The following GABRG2 variants were observed in gnomAD, a reference collection of about 807,000 sequenced individuals.
GABRG2 encodes the protein gamma-aminobutyric acid receptor subunit gamma-2.
In GABRG2, 16 loss-of-function variants were observed where a neutral mutation model predicts 56.4. The ratio of observed to expected loss-of-function variants is 0.28; its 90% CI spans 0.19 to 0.43. The LOEUF is 0.43. GABRG2 is among the 20% of genes least tolerant of loss of function. GABRG2 has a pLI of 1.00. For synonymous variants in GABRG2, 208 were observed against 205.5 expected, an observed-to-expected ratio of 1.01 and a Z score of -0.10; for missense variants, 327 against 582.7, an observed-to-expected ratio of 0.56 and a Z score of 4.52.
intron 6 of GABRG2, among the ~76,000 whole-genome samples, chr5:162,119,612 G>T (rs996793810): frequency 1.3e-5 from 2 of 152,070 alleles, no homozygotes; most frequent in Non-Finnish European, 2.9e-5. Flanking sequence ...CCAATGAAAT[G>T]ACAATGATCG....
chr5:162,093,992 C>G lies in GABRG2; in HGVS notation c.259+13C>G. 1 of 1,612,842 alleles carries G rather than the reference C, an allele frequency of 6.2e-7. No homozygotes were observed. The highest frequency in any genetic ancestry group is 8.5e-7 in the Non-Finnish European group (1 of 1,179,180). The stretch of plus-strand genomic sequence containing the variant: ...CCTGATATAGGAGGTTTGTTAAAGT[C>G]TTTTGCGTTGTGCTATAGATAGGAG... On this transcript the variant is annotated intron_variant, in intron 2 of 9. Transcript: ENST00000639213.
chr5:162,118,854 C>T (rs779956991), intron 6 of GABRG2, among the ~76,000 whole-genome samples: 1 of 151,952 alleles, frequency 6.6e-6, no homozygotes, highest in Non-Finnish European at 1.5e-5. Context: ...TGGAAAATTG[C>T]TATTAAAAGA....
chr5:162,078,595 C>T (rs1427749285), intron 1 of GABRG2, among the ~76,000 whole-genome samples: 5 of 150,516 alleles, frequency 3.3e-5, no homozygotes, highest in Admixed American at 6.6e-5. Context: ...TTAGTAGAGA[C>T]GAGGTTTCAC....
At chr5:162,067,712 G>A, upstream of GABRG2, 1 of 605,802 alleles carries the variant, frequency 1.7e-6, no homozygotes, top group South Asian at 2.0e-5. Context: ...CTCCGTATGA[G>A]TCTCTCCTTG....
At chr5:162,073,950 T>C (rs894978048) in intron 1 of GABRG2, among the ~76,000 whole-genome samples, 2 of 151,964 alleles carry the variant, frequency 1.3e-5, no homozygotes, top group Non-Finnish European at 2.9e-5. Flanking sequence ...CTTGAATTCA[T>C]AGCGCAATAC....
intron 1 of GABRG2, among the ~76,000 whole-genome samples, chr5:162,088,207 G>A (rs2113253860): frequency 6.6e-6 from 1 of 152,186 alleles, no homozygotes; most frequent in Admixed American, 6.6e-5. Flanking sequence ...CTAAAGAGTA[G>A]CCAGTCCTCC....
At chr5:162,147,342 C>G (rs190518231) in intron 7 of GABRG2, among the ~76,000 whole-genome samples, 1 of 150,584 alleles carries the variant, frequency 6.6e-6, no homozygotes, top group South Asian at 2.1e-4. Context: ...TTCCCTCCTT[C>G]CTTCCTCTGT....
At chr5:162,132,401 C>T (rs1763821093) in intron 6 of GABRG2, among the ~76,000 whole-genome samples, 1 of 151,986 alleles carries the variant, frequency 6.6e-6, no homozygotes, top group African/African-American at 2.4e-5. Flanking sequence ...TCTTTCAACA[C>T]ATCACAAATA....
chr5:162,073,265 A>G (rs1229724109), intron 1 of GABRG2, among the ~76,000 whole-genome samples: 1 of 150,970 alleles, frequency 6.6e-6, no homozygotes, highest in Non-Finnish European at 1.5e-5. Context: ...GTCTGAAATT[A>G]GGTTTTTTTT....
intron 1 of GABRG2, among the ~76,000 whole-genome samples, chr5:162,074,310 AAGT>A (rs1758913511): frequency 6.6e-6 from 1 of 152,050 alleles, no homozygotes; most frequent in South Asian, 2.1e-4. Context: ...AATGCTAAAT[AAGT>A]AGCACTGATA....
rs1190990627 is a variant in GABRG2 at position 162,154,613 on chromosome 5, A to G, written c.*1245A>G. The G allele has an allele frequency of 1.3e-5, 2 of 152,122 alleles. No homozygotes were observed. Among genetic ancestry groups the G allele is most frequent in the African/African-American group, 2.4e-5 (1 of 41,442 alleles). The allele number at this position is 152,122 out of a possible 1,614,324, so 9.4% of individuals were successfully genotyped here. A position where few individuals can be genotyped will look rare whatever the true frequency, so the allele number is the denominator to read the frequency against. On this transcript the variant is annotated 3_prime_UTR_variant, in exon 10 of 10. Transcript: ENST00000639213. ...CAAAGTCCATACTCCTTTTAAAACA[A>G]TATTTATGTCCTATGTTTGTGTATA... is the stretch of plus-strand genomic sequence containing the variant.
At chr5:162,102,342 A>G (rs540249657) in intron 5 of GABRG2, 14 of 372,310 alleles carry the variant, frequency 3.8e-5, no homozygotes, top group East Asian at 1.5e-4. Context: ...TAATACTCCA[A>G]TTGGGACTAC....
Position 162,149,455 on chromosome 5 carries a change from C to A in GABRG2, c.1128+142C>A, listed in dbSNP as rs1011546032. 10 of 777,670 alleles carry A rather than the reference C, an allele frequency of 1.3e-5. No homozygotes were observed. In the African/African-American group the frequency reaches 1.4e-4, roughly 11 times the overall value. The allele number at this position is 777,670 out of a possible 1,614,324, so 48.2% of individuals were successfully genotyped here. ...ATGTATGAGTTTAGCCAGGCCATAA[C>A]GATTCATTTACAGTCATTAGTTACT... is the stretch of plus-strand genomic sequence containing the variant. On this transcript the variant is annotated intron_variant, in intron 8 of 9. Transcript: ENST00000639213.
chr5:162,153,366 T>C lies in GABRG2; in HGVS notation c.1426T>C (p.Ter476ArgextTer13). 1 of 1,613,780 alleles carries C rather than the reference T, an allele frequency of 6.2e-7. No homozygotes were observed. The highest frequency in any genetic ancestry group is 8.5e-7 in the Non-Finnish European group (1 of 1,179,714). The change falls in exon 10 of 10, where the codon TGA becomes CGA. Residue 476 changes from the stop codon to arginine, a stop_lost. Transcript: ENST00000639213. The stretch of plus-strand genomic sequence containing the variant: ...CTATTGGGTCTCCTACCTCTACCTG[T>C]GAGGAGGTATGGGTTTTACTGATAT... The part of the protein sequence containing the change: ...LVYWVSYLYL[*>R]
Position 162,104,838 on chromosome 5 carries a change from A to G in GABRG2, c.769+812A>G, listed in dbSNP as rs76774074. On this transcript the variant is annotated intron_variant, in intron 6 of 9. Coordinates refer to ENST00000639213, the MANE Select transcript of GABRG2 (RefSeq NM_198904.4). ...AATAGTTATCAATTGTTGATTTAAA[A>G]CCCTCTGTCGGGCAAGTTAGATATG... Among the ~76,000 whole-genome samples the G allele has an allele frequency of 2.0e-3, 306 of 152,118 alleles. 3 individuals carry two copies. The highest frequency in any genetic ancestry group is 0.014 in the Admixed American group (217 of 15,268).
chr5:162,073,412 A>G (rs1189985291), intron 1 of GABRG2, among the ~76,000 whole-genome samples: 2 of 151,912 alleles, frequency 1.3e-5, no homozygotes, highest in African/African-American at 4.8e-5. Flanking sequence ...CCAGAAACTT[A>G]ACTATAGCAT....
intron 1 of GABRG2, among the ~76,000 whole-genome samples, chr5:162,068,417 G>A (rs1178445709): frequency 6.6e-6 from 1 of 152,042 alleles, no homozygotes; most frequent in East Asian, 1.9e-4. Context: ...ATCGGAGTGG[G>A]CTGTGCTGAT....
At chr5:162,148,404 C>G (rs1189593899) in intron 7 of GABRG2, among the ~76,000 whole-genome samples, 1 of 151,396 alleles carries the variant, frequency 6.6e-6, no homozygotes, top group Non-Finnish European at 1.5e-5. Flanking sequence ...TATTATGTTA[C>G]TTCTGAGATA....
intron 1 of GABRG2, among the ~76,000 whole-genome samples, chr5:162,079,138 T>C (rs1759439826): frequency 6.6e-6 from 1 of 152,110 alleles, no homozygotes. Context: ...CCAGGTACTC[T>C]TGTGGTCAAC....
Sources: allele counts gnomAD v4.1 joint callset (sites outside exome capture counted in the v4.1 genomes callset), GRCh38; gene constraint gnomAD v4.1.1; transcripts MANE v1.5; gene names NCBI Gene and HGNC (gene_info 2026-07-23, HGNC 2026-07-21).